Variants in ADRA1A observed in about 807,000 individuals in gnomAD.
ADRA1A encodes adrenoceptor alpha 1A, also known as alpha-1A adrenergic receptor.
In ADRA1A, 31 loss-of-function variants were observed where a neutral mutation model predicts 29.6. The ratio of observed to expected loss-of-function variants is 1.05; its 90% confidence interval spans 0.79 to 1.41. The LOEUF is 1.41. Ranked by LOEUF, ADRA1A falls within the 40% of genes most tolerant of loss-of-function variation. ADRA1A has a pLI of 0.00. For synonymous variants in ADRA1A, 311 were observed against 254.3 expected (o/e 1.22, Z -2.12); for missense variants, 619 against 601.1 (o/e 1.03, Z -0.31).
chr8:26,863,348 C>A (rs1464117971), intron 2 of ADRA1A, among the ~76,000 whole-genome samples: 1 of 152,128 alleles, frequency 6.6e-6, no homozygotes, highest in Non-Finnish European at 1.5e-5. Context: ...ATTATGTGTA[C>A]TGTATTATTT....
chr8:26,773,737 C>T lies in ADRA1A; in HGVS notation c.884-3071G>A, dbSNP rs533077513. 5.3e-5 allele frequency among the ~76,000 whole-genome samples: 8 copies of T among 152,334 alleles called. No individual in the cohort carries two copies. The South Asian group carries it at 1.7e-3, about 32-fold the overall frequency. ...ATTCTGCTTACAGAACCCAGTTTTG[C>T]ACTCGTAAATCTCAACATTTCCTTT... On this transcript the variant is annotated intron_variant, in intron 2 of 2. Transcript: ENST00000380573.
intron 2 of ADRA1A, among the ~76,000 whole-genome samples, chr8:26,849,090 C>A (rs1374073814): frequency 6.6e-6 from 1 of 152,186 alleles, no homozygotes; most frequent in African/African-American, 2.4e-5. Context: ...TACCTCCCTG[C>A]TAAAAACCTT....
Position 26,806,385 on chromosome 8 carries a change from C to A in ADRA1A, c.884-35719G>T, listed in dbSNP as rs1156992071. The stretch of plus-strand genomic sequence containing the variant: ...TAGCAGGGTGCAAAAAGCCCTTTAT[C>A]CTGTTAATAGTGGCCTTAGGTAAGG... On this transcript the variant is annotated intron_variant, in intron 2 of 2. Coordinates refer to ENST00000380573, the MANE Select transcript of ADRA1A (RefSeq NM_000680.4). The surrounding 1 kb of genome is among the most constrained non-coding windows in gnomAD (Gnocchi z 4.6). Among the ~76,000 whole-genome samples the A allele has an allele frequency of 6.6e-6, 1 of 151,250 alleles. No individual in the cohort carries two copies. Among genetic ancestry groups the A allele is most frequent in the Admixed American group, 6.6e-5 (1 of 15,162 alleles).
In ADRA1A at chr8:26,796,727, G is replaced by A. The variant is rs894894680; in HGVS notation, c.884-26061C>T. On this transcript the variant is annotated intron_variant, in intron 2 of 2. Transcript: ENST00000380573. This position sits in a 1 kb window ranked among gnomAD's most constrained non-coding sequence, Gnocchi z 5.0. ...AGTGGATAGAGAGATGATTAATTTC[G>A]AAAGGGGGGTACAAGATGAAGGGAC... Among the ~76,000 whole-genome samples the A allele has an allele frequency of 2.0e-5, 3 of 152,076 alleles. No homozygotes were observed. Among genetic ancestry groups the A allele is most frequent in the African/African-American group, 4.8e-5 (2 of 41,412 alleles).
rs35234230 is a variant in ADRA1A at position 26,751,069 on chromosome 8, CAA to C, written c.1270-2323_1270-2322del. Among the ~76,000 whole-genome samples, 1,189 of 138,286 alleles carry C rather than the reference CAA, an allele frequency of 8.6e-3. 18 individuals carry two copies. Among genetic ancestry groups the C allele is most frequent in the Admixed American group, 0.027 (372 of 13,768 alleles). The allele number at this position is 138,286 out of a possible 152,430, so 90.7% of individuals were successfully genotyped here. ...GGGCAACAAGAGCAAAACTCTGTCT[CAA>C]AAAAAAAAAAAAAAAATTGTAAGTT... On this transcript the variant is annotated intron_variant, in intron 2 of 2. Coordinates refer to the ADRA1A transcript ENST00000380586.
intron 2 of ADRA1A, among the ~76,000 whole-genome samples, chr8:26,829,625 T>G (rs1439022558): frequency 6.6e-6 from 1 of 152,182 alleles, no homozygotes; most frequent in African/African-American, 2.4e-5. Context: ...GATAACATGC[T>G]TAATCACCTC....
At chr8:26,812,324 A>G (rs1404876366) in intron 2 of ADRA1A, among the ~76,000 whole-genome samples, 2 of 152,210 alleles carry the variant, frequency 1.3e-5, no homozygotes, top group Non-Finnish European at 2.9e-5. Context: ...CTGTCAACTC[A>G]TAACCACTCA....
chr8:26,866,189 AC>A lies in ADRA1A; in HGVS notation c.-686-535del, dbSNP rs1165936465. 6.6e-6 allele frequency among the ~76,000 whole-genome samples: 1 copy of A among 152,048 alleles called. No homozygotes were observed. The highest frequency in any genetic ancestry group is 1.5e-5 in the Non-Finnish European group (1 of 68,004). On this transcript the variant is annotated intron_variant, in intron 1 of 2. Coordinates refer to ENST00000380573, the MANE Select transcript of ADRA1A (RefSeq NM_000680.4). The surrounding 1 kb of genome is among the most constrained non-coding windows in gnomAD (Gnocchi z 5.7). ...TCACTCTCACGCCGGTGGAATTCGCACTCGGGTGTGCAGAGCGCACCGGTCT... is the reference window on the plus strand; with the variant it reads ...TCACTCTCACGCCGGTGGAATTCGCATCGGGTGTGCAGAGCGCACCGGTCT...
intron 2 of ADRA1A, among the ~76,000 whole-genome samples, chr8:26,782,600 T>C (rs1458925765): frequency 6.6e-6 from 1 of 152,218 alleles, no homozygotes; most frequent in Non-Finnish European, 1.5e-5. Context: ...TCAAACTTAA[T>C]GAAGCCTTCT....
intron 2 of ADRA1A, among the ~76,000 whole-genome samples, chr8:26,803,755 G>C (rs1808765035): frequency 6.6e-6 from 1 of 152,022 alleles, no homozygotes; most frequent in Non-Finnish European, 1.5e-5. Context: ...ACAGATGAAA[G>C]ACTAGAATAG....
At position 26,860,740 on chromosome 8, in the gene ADRA1A, C is replaced by T. The variant is rs1813390029; in HGVS notation, c.883+3347G>A. 1.3e-5 allele frequency among the ~76,000 whole-genome samples: 2 copies of T among 152,136 alleles called. No individual in the cohort carries two copies. Among genetic ancestry groups the T allele is most frequent in the Admixed American group, 1.3e-4 (2 of 15,286 alleles). The stretch of plus-strand genomic sequence containing the variant: ...CTCTACTTGCCTCAGGGCTCACACA[C>T]TTTGCTCTCCTTGTCACTTCCCAAT... On this transcript the variant is annotated intron_variant, in intron 2 of 2. Transcript: ENST00000380573. This position sits in a 1 kb window ranked among gnomAD's most constrained non-coding sequence, Gnocchi z 4.7.
Position 26,865,291 on chromosome 8 carries a change from T to G in ADRA1A, c.-322A>C. ...CCCTACCCGAAGCTGGGTGCGAAGA[T>G]CCAGGAGACTCCTTGCAACATGCAA... On this transcript the variant is annotated 5_prime_UTR_variant, in exon 2 of 3. Transcript: ENST00000380573. This position sits in a 1 kb window ranked among gnomAD's most constrained non-coding sequence, Gnocchi z 7.6. 1 of 1,204,592 alleles carries G rather than the reference T, an allele frequency of 8.3e-7. No individual in the cohort carries two copies. Among genetic ancestry groups the G allele is most frequent in the East Asian group, 4.4e-5 (1 of 22,792 alleles). 74.6% of individuals were successfully genotyped at this position (1,204,592 alleles called of 1,614,324 possible). A position where few individuals can be genotyped will look rare whatever the true frequency, so the allele number is the denominator to read the frequency against.
chr8:26,797,961 C>G (rs115567206), intron 2 of ADRA1A, among the ~76,000 whole-genome samples: 94 of 151,782 alleles, frequency 6.2e-4, no homozygotes, highest in African/African-American at 2.1e-3. Flanking sequence ...GATACAAATT[C>G]TCATCTGCAT....
intron 2 of ADRA1A, among the ~76,000 whole-genome samples, chr8:26,839,806 G>C (rs1021028332): frequency 2.0e-5 from 3 of 152,090 alleles, no homozygotes; most frequent in Admixed American, 2.0e-4. Flanking sequence ...ATGGTGGGAA[G>C]GGTGTGTGGG....
intron 2 of ADRA1A, among the ~76,000 whole-genome samples, chr8:26,847,489 A>G (rs1256612515): frequency 6.6e-6 from 1 of 152,192 alleles, no homozygotes; most frequent in East Asian, 1.9e-4. Context: ...AACAACATGA[A>G]AATTCCAGGT....
rs1420829625 is a variant in ADRA1A at position 26,825,880 on chromosome 8, A to T, written c.883+38207T>A. ...CCAAGTTCTGCGCACTGGTGTTTGCATGAGGACATGAGCCCCATTCCTTGA... is the reference window on the plus strand; with the variant it reads ...CCAAGTTCTGCGCACTGGTGTTTGCTTGAGGACATGAGCCCCATTCCTTGA... On this transcript the variant is annotated intron_variant, in intron 2 of 2. Coordinates refer to ENST00000380573, the MANE Select transcript of ADRA1A (RefSeq NM_000680.4). This position sits in a 1 kb window ranked among gnomAD's most constrained non-coding sequence, Gnocchi z 5.7. Among the ~76,000 whole-genome samples, 2 of 152,210 alleles carry T rather than the reference A, an allele frequency of 1.3e-5. No homozygotes were observed. The highest frequency in any genetic ancestry group is 6.5e-5 in the Admixed American group (1 of 15,286).
chr8:26,851,501 A>C (rs1055875434), intron 2 of ADRA1A, among the ~76,000 whole-genome samples: 23 of 152,352 alleles, frequency 1.5e-4, no homozygotes, highest in African/African-American at 5.5e-4. Context: ...AATGAAAATT[A>C]GTTAAATCCT....
chr8:26,851,667 T>C (rs1334746473), intron 2 of ADRA1A, among the ~76,000 whole-genome samples: 1 of 152,068 alleles, frequency 6.6e-6, no homozygotes, highest in African/African-American at 2.4e-5. Context: ...CCAGGAAAAA[T>C]AATTAAATAG....
chr8:26,816,152 C>T (rs1460765236), intron 2 of ADRA1A, among the ~76,000 whole-genome samples: 1 of 152,186 alleles, frequency 6.6e-6, no homozygotes, highest in African/African-American at 2.4e-5. Flanking sequence ...GATGTAAAAT[C>T]CCACCTGGAT....
Sources: gnomAD v4.1 joint callset for allele counts (sites outside exome capture counted in the v4.1 genomes callset) on GRCh38, gnomAD v4.1.1 for gene constraint, Gnocchi (gnomAD v3.1) non-coding constraint, MANE v1.5 for transcripts, NCBI Gene and HGNC (gene_info 2026-07-23, HGNC 2026-07-21) for gene names.